The following DNAH1 variants were observed in gnomAD, a reference collection of about 807,000 sequenced individuals.
The protein encoded by DNAH1 is axonemal beta dynein heavy chain 1.
In DNAH1, 327 loss-of-function variants were observed where a neutral mutation model predicts 484.3. That is an observed-to-expected ratio of 0.68 (90% CI 0.62 to 0.74). The LOEUF is 0.74. Among genes scored for constraint, DNAH1 ranks in the 30% least tolerant of loss-of-function variants. The pLI, the probability that DNAH1 is intolerant of heterozygous loss-of-function variation, is 0.00. For missense variants in DNAH1, 5,052 were observed against 5,546.8 expected (o/e 0.91, Z 2.83); for synonymous variants, 2,192 against 2,191.9 (o/e 1.00, Z 0.00).
chr3:52,374,543 C>T lies in DNAH1; in HGVS notation c.6986-697C>T. On this transcript the variant is annotated intron_variant, in intron 44 of 77. Coordinates refer to ENST00000420323, the MANE Select transcript of DNAH1 (RefSeq NM_015512.5). ...TTGTGAAGACCATGGAGCCCCTCTT[C>T]CGGCAGTTGGCCAAATGTGTCTCCA... The T allele has an allele frequency of 3.3e-6, 5 of 1,497,576 alleles. No homozygotes were observed. The African/African-American group carries it at 4.1e-5, about 12-fold the overall frequency. The allele number at this position is 1,497,576 out of a possible 1,614,324, so 92.8% of individuals were successfully genotyped here. A position where few individuals can be genotyped will look rare whatever the true frequency, so the allele number is the denominator to read the frequency against.
chr3:52,381,553 A>C lies in DNAH1; in HGVS notation c.7609-87A>C. ...GGCACCTGTGCTTCTCAGTCAGGACAGAGAAGAAAGCGGGTGGGTGGGGGG... is the reference window on the plus strand; with the variant it reads ...GGCACCTGTGCTTCTCAGTCAGGACCGAGAAGAAAGCGGGTGGGTGGGGGG... On this transcript the variant is annotated intron_variant, in intron 48 of 77. Transcript: ENST00000420323. This position sits in a 1 kb window ranked among gnomAD's most constrained non-coding sequence, Gnocchi z 4.1. 7.8e-7 allele frequency: 1 copy of C among 1,280,942 alleles called. No homozygotes were observed. Among genetic ancestry groups the C allele is most frequent in the Non-Finnish European group, 1.1e-6 (1 of 928,306 alleles). 79.3% of individuals were successfully genotyped at this position (1,280,942 alleles called of 1,614,324 possible).
At chr3:52,329,531 C>T (rs1553627560) in intron 6 of DNAH1, among the ~76,000 whole-genome samples, 1 of 151,546 alleles carries the variant, frequency 6.6e-6, no homozygotes, top group East Asian at 1.9e-4. Context: ...TCAAACAAAA[C>T]AAAAAAAACC....
At chr3:52,322,921 C>G (rs1701201759) in intron 2 of DNAH1, 146 bp downstream of exon 2, 1 of 739,392 alleles carries the variant, frequency 1.4e-6, no homozygotes, top group East Asian at 2.7e-5. Flanking sequence ...ATCCATCTAC[C>G]CCCTATTATC....
intron 8 of DNAH1, among the ~76,000 whole-genome samples, chr3:52,333,767 GT>G (rs560569705): frequency 1.1e-4 from 16 of 150,364 alleles, no homozygotes; most frequent in African/African-American, 3.2e-4. Context: ...CACAACCAAT[GT>G]TTTTTTTTCA....
chr3:52,312,713 T>C (rs1327915621), upstream of DNAH1, among the ~76,000 whole-genome samples: 3 of 151,860 alleles, frequency 2.0e-5, no homozygotes, highest in African/African-American at 7.3e-5. Flanking sequence ...AGTGCAGTGG[T>C]GCGATCTCGG....
chr3:52,336,351 G>A (rs1701742438), intron 8 of DNAH1, among the ~76,000 whole-genome samples: 1 of 152,148 alleles, frequency 6.6e-6, no homozygotes, highest in African/African-American at 2.4e-5. Flanking sequence ...AGGAGTTCAA[G>A]ATCAGCCTGG....
intron 43 of DNAH1, 63 bp downstream of exon 43, chr3:52,372,450 G>C: frequency 6.3e-7 from 1 of 1,588,428 alleles, no homozygotes; most frequent in Non-Finnish European, 8.5e-7. Context: ...TCCAGCTGCT[G>C]TCCCACCTCT....
At chr3:52,360,504 G>C in intron 28 of DNAH1, 80 bp downstream of exon 28, 2 of 1,217,052 alleles carry the variant, frequency 1.6e-6, no homozygotes, top group Non-Finnish European at 2.4e-6. Flanking sequence ...AGGGACCATG[G>C]CCACTCTGGG....
intron 46 of DNAH1, 132 bp from the exon 47 acceptor site, chr3:52,378,469 GA>G: frequency 1.0e-6 from 1 of 966,676 alleles, no homozygotes; most frequent in Non-Finnish European, 1.6e-6. Flanking sequence ...AGGGTACGTG[GA>G]ATCCAAGCCT....
intron 25 of DNAH1, 37 bp from the exon 26 acceptor site, chr3:52,359,209 G>A (rs1162401639): frequency 2.3e-5 from 35 of 1,551,704 alleles, no homozygotes; most frequent in Non-Finnish European, 2.8e-5. Flanking sequence ...TTGGGGCTGC[G>A]GCTGTCCAGG....
intron 22 of DNAH1, 62 bp downstream of exon 22, chr3:52,356,840 G>A (rs1702631248): frequency 6.5e-7 from 1 of 1,535,362 alleles, no homozygotes; most frequent in Admixed American, 2.0e-5. Flanking sequence ...CACATTGCTG[G>A]TAGCCTCCTA....
In DNAH1 at chr3:52,359,346, G is replaced by C; in HGVS notation, c.4367G>C (p.Gly1456Ala). 8 of 1,570,570 alleles carry C rather than the reference G, an allele frequency of 5.1e-6. No individual in the cohort carries two copies. Among genetic ancestry groups the C allele is most frequent in the Non-Finnish European group, 6.9e-6 (8 of 1,157,118 alleles). Residue 1456 changes from glycine (G) to alanine (A), a missense_variant, in exon 26 of 78, where the codon GGC (glycine) becomes GCC (alanine). Physicochemically the swap from Gly to Ala is moderately conservative, Grantham distance 60. Around this residue, in one of 4 missense-constraint regions of DNAH1, gnomAD observed 2,929 missense variants for 3,409.4 expected, o/e 0.86. Transcript: ENST00000420323. ...TMEVAEALEA[G>A]NLRSQLFPQL... ...GAGGTGGCAGAGGCTCTGGAGGCCG[G>C]CAACCTCAGAAGCCAACTGTTCCCC...
At position 52,384,971 on chromosome 3, in the gene DNAH1, C is replaced by G. The variant is rs200315265; in HGVS notation, c.8508C>G (p.Leu2836=). ...KTAKNRMKSG[L]DKLLRTSEDV... ...CCAAGAACCGCATGAAGAGCGGCCTCGACAAGGTGGGCCCAGGCGAGTCCC... is the reference window on the plus strand; with the variant it reads ...CCAAGAACCGCATGAAGAGCGGCCTGGACAAGGTGGGCCCAGGCGAGTCCC... Residue 2836 remains leucine (L), a synonymous_variant, in exon 53 of 78, where the codon CTC becomes CTG. Coordinates refer to ENST00000420323, the MANE Select transcript of DNAH1 (RefSeq NM_015512.5). 1.9e-6 allele frequency: 3 copies of G among 1,612,400 alleles called. No homozygotes were observed. The highest frequency in any genetic ancestry group is 1.7e-5 in the Admixed American group (1 of 59,866).
chr3:52,346,897 C>T (rs774423001), intron 11 of DNAH1, 127 bp downstream of exon 11: 22 of 1,044,662 alleles, frequency 2.1e-5, no homozygotes, highest in South Asian at 8.3e-5. Context: ...TAAGGAGAGC[C>T]GAGCTCCCTG....
chr3:52,383,680 G>T, intron 51 of DNAH1, 86 bp downstream of exon 51: 1 of 1,440,014 alleles, frequency 6.9e-7, no homozygotes, highest in Non-Finnish European at 9.2e-7. Context: ...GATGCCATGC[G>T]CTGGGGCCTG....
chr3:52,322,574 A>G lies in DNAH1; in HGVS notation c.132A>G (p.Gly44=). The G allele has an allele frequency of 3.7e-6, 6 of 1,613,880 alleles. No homozygotes were observed. The South Asian group carries it at 4.4e-5, about 12-fold the overall frequency. Residue 44 remains glycine, a synonymous_variant, in exon 2 of 78, where the codon GGA becomes GGG. Coordinates refer to ENST00000420323, the MANE Select transcript of DNAH1 (RefSeq NM_015512.5). ...ATAACCCGGGGAAGATTCTTCCAGG[A>G]TCAGACTATGGGTTGGGAAATCCTC... ...LEYNPGKILP[G]SDYGLGNPPA... is the part of the protein sequence containing the mutation.
intron 8 of DNAH1, among the ~76,000 whole-genome samples, chr3:52,334,428 T>C (rs1159221164): frequency 1.3e-5 from 2 of 152,182 alleles, no homozygotes; most frequent in Non-Finnish European, 2.9e-5. Flanking sequence ...ACTTGATAAA[T>C]ACTGTATACA....
chr3:52,335,338 A>G (rs577592188), intron 8 of DNAH1, among the ~76,000 whole-genome samples: 5 of 139,274 alleles, frequency 3.6e-5, no homozygotes, highest in African/African-American at 1.4e-4. Flanking sequence ...TACAGGCATG[A>G]TCTATAAGCT....
chr3:52,386,260 C>A lies in DNAH1; in HGVS notation c.8726C>A (p.Ala2909Asp). Reference protein sequence around the residue: ...AKKAQAIADDAQKDLDEALPA... With the variant: ...AKKAQAIADDDQKDLDEALPA... Reference sequence around the variant, plus strand: ...AAGGCACAAGCTATTGCTGACGATGCCCAGAAGGACCTGGACGAGGCGTTG... The same window carrying A: ...AAGGCACAAGCTATTGCTGACGATGACCAGAAGGACCTGGACGAGGCGTTG... Residue 2909 changes from alanine to aspartate, a missense_variant, in exon 55 of 78, where the codon GCC (alanine) becomes GAC (aspartate). By Grantham distance (126) the Ala-to-Asp change is moderately radical. Transcript: ENST00000420323. The A allele has an allele frequency of 6.2e-7, 1 of 1,612,274 alleles. No homozygotes were observed. Among genetic ancestry groups the A allele is most frequent in the Non-Finnish European group, 8.5e-7 (1 of 1,179,180 alleles).
Sources: allele counts gnomAD v4.1 joint callset (sites outside exome capture counted in the v4.1 genomes callset), GRCh38; gene constraint gnomAD v4.1.1; regional missense constraint gnomAD v4.1.1; non-coding constraint Gnocchi (gnomAD v3.1); transcripts MANE v1.5; gene names NCBI Gene and HGNC (gene_info 2026-07-23, HGNC 2026-07-21).